ZMAT4: variants seen among roughly 807,000 people sequenced by gnomAD.
The protein encoded by ZMAT4 is zinc finger matrin-type protein 4.
In ZMAT4, 17 loss-of-function variants were observed where a neutral mutation model predicts 28.7. The observed-to-expected ratio is 0.59, with a 90% CI of 0.41 to 0.89. ZMAT4 has a LOEUF of 0.89. ZMAT4 is among the 40% of genes least tolerant of loss of function. The pLI, the probability that ZMAT4 is intolerant of heterozygous loss-of-function variation, is 0.00. For missense variants in ZMAT4, 240 were observed against 283.8 expected, an observed-to-expected ratio of 0.85 and a Z score of 1.11; for synonymous variants, 117 against 109.2, an observed-to-expected ratio of 1.07 and a Z score of -0.44.
chr8:40,722,957 G>A (rs1477649873), intron 3 of ZMAT4, among the ~76,000 whole-genome samples: 1 of 152,188 alleles, frequency 6.6e-6, no homozygotes, highest in Non-Finnish European at 1.5e-5. Context: ...CAAAGCATGT[G>A]AGGCCCCTAC....
rs539636718 is a variant in ZMAT4, at chr8:40,829,645, AAG to A, written c.-4-3967_-4-3966del. Among the ~76,000 whole-genome samples the A allele has an allele frequency of 2.5e-4, 38 of 152,306 alleles. 1 individual carries two copies. The South Asian group carries it at 7.0e-3, about 28-fold the overall frequency. On this transcript the variant is annotated intron_variant, in intron 1 of 6. Transcript: ENST00000297737. The stretch of plus-strand genomic sequence containing the variant: ...AAATCTTGCTGAGCTACTGAGTAAG[AAG>A]AGACATACACACACCAACACCTAAG...
In ZMAT4 at chr8:40,803,135, G is replaced by A. The variant is rs569889286; in HGVS notation, c.102+22440C>T. 6.1e-4 allele frequency among the ~76,000 whole-genome samples: 93 copies of A among 152,160 alleles called. 1 individual carries two copies. The highest frequency in any genetic ancestry group is 2.2e-3 in the African/African-American group (91 of 41,514). ...TATGAAATTTCTAGAAGATAATACA[G>A]GAAAATATCTAGATGACCTTGGGAC... On this transcript the variant is annotated intron_variant, in intron 2 of 6. Coordinates refer to ENST00000297737, the MANE Select transcript of ZMAT4 (RefSeq NM_024645.3).
At chr8:40,840,598 T>C (rs556419744) in intron 1 of ZMAT4, among the ~76,000 whole-genome samples, 2 of 152,218 alleles carry the variant, frequency 1.3e-5, no homozygotes, top group South Asian at 2.1e-4. Flanking sequence ...ACCTGCTACC[T>C]CCGTTAGTCA....
chr8:40,883,548 A>G (rs746467521), intron 1 of ZMAT4, among the ~76,000 whole-genome samples: 2 of 152,228 alleles, frequency 1.3e-5, no homozygotes, highest in Non-Finnish European at 2.9e-5. Context: ...ACACAACCGT[A>G]GGTAAGTCCC....
chr8:40,736,960 C>A (rs2150531181), intron 3 of ZMAT4, among the ~76,000 whole-genome samples: 1 of 152,290 alleles, frequency 6.6e-6, no homozygotes, highest in East Asian at 1.9e-4. Context: ...AGAGGTAGCT[C>A]TGACTGGACA....
intron 1 of ZMAT4, among the ~76,000 whole-genome samples, chr8:40,857,496 G>T (rs1817340473): frequency 6.6e-6 from 1 of 152,176 alleles, no homozygotes; most frequent in African/African-American, 2.4e-5. Flanking sequence ...TTGTTAGAAT[G>T]ATTGCAATTA....
At chr8:40,705,496 T>A (rs1206103503) in intron 3 of ZMAT4, among the ~76,000 whole-genome samples, 3 of 152,290 alleles carry the variant, frequency 2.0e-5, no homozygotes, top group African/African-American at 7.2e-5. Flanking sequence ...TAGAGCAGCA[T>A]CGTCCAATAG....
chr8:40,795,354 C>G (rs1202896803), intron 2 of ZMAT4, among the ~76,000 whole-genome samples: 1 of 152,194 alleles, frequency 6.6e-6, no homozygotes, highest in Non-Finnish European at 1.5e-5. Context: ...GTCTGTCCAT[C>G]AGGCAGCCAA....
chr8:40,784,706 C>T (rs1314592896), intron 2 of ZMAT4, among the ~76,000 whole-genome samples: 2 of 152,140 alleles, frequency 1.3e-5, no homozygotes, highest in Non-Finnish European at 2.9e-5. Flanking sequence ...AGACACACTG[C>T]CCCGATCCCC....
chr8:40,685,831 G>C (rs962381946), intron 4 of ZMAT4, among the ~76,000 whole-genome samples: 5 of 152,146 alleles, frequency 3.3e-5, no homozygotes, highest in Non-Finnish European at 5.9e-5. Context: ...CACTGGATTA[G>C]GTTCCTGTCA....
intron 6 of ZMAT4, among the ~76,000 whole-genome samples, chr8:40,554,625 T>G (rs1446697491): frequency 6.6e-6 from 1 of 152,118 alleles, no homozygotes; most frequent in Non-Finnish European, 1.5e-5. Flanking sequence ...AATATCCGTA[T>G]TGGTCTTTCA....
intron 1 of ZMAT4, among the ~76,000 whole-genome samples, chr8:40,881,198 C>T (rs908552847): frequency 2.0e-5 from 3 of 151,676 alleles, no homozygotes; most frequent in Non-Finnish European, 4.4e-5. Context: ...AGTAACATAG[C>T]GAGTCCCCAT....
rs534683022 is a variant in ZMAT4, at chr8:40,686,921, C to G, written c.349+10324G>C. Among the ~76,000 whole-genome samples, 10 of 152,002 alleles carry G rather than the reference C, an allele frequency of 6.6e-5. No homozygotes were observed. In the East Asian group the frequency reaches 2.0e-3, roughly 30 times the overall value. On this transcript the variant is annotated intron_variant, in intron 4 of 6. Coordinates refer to ENST00000297737, the MANE Select transcript of ZMAT4 (RefSeq NM_024645.3). ...AGAACCCAGAGCCCCTAACTGCTGC[C>G]CTGTGTTCTTTCCTCAATCCCACAT...
intron 5 of ZMAT4, among the ~76,000 whole-genome samples, chr8:40,656,619 A>G (rs1165200013): frequency 1.3e-5 from 2 of 152,168 alleles, no homozygotes; most frequent in Non-Finnish European, 2.9e-5. Context: ...TGATGTACTG[A>G]TACATGCTAC....
chr8:40,856,499 G>T (rs1175674755), intron 1 of ZMAT4, among the ~76,000 whole-genome samples: 1 of 152,200 alleles, frequency 6.6e-6, no homozygotes, highest in East Asian at 1.9e-4. Context: ...GAGCTAATGT[G>T]AGAAAAGTAG....
chr8:40,744,077 C>T (rs1170563780), intron 3 of ZMAT4, among the ~76,000 whole-genome samples: 1 of 152,128 alleles, frequency 6.6e-6, no homozygotes, highest in Non-Finnish European at 1.5e-5. Context: ...CAGCACTGAG[C>T]CCAGAAAGAT....
chr8:40,620,059 G>A (rs1473281976), intron 5 of ZMAT4, among the ~76,000 whole-genome samples: 1 of 152,224 alleles, frequency 6.6e-6, no homozygotes, highest in Non-Finnish European at 1.5e-5. Flanking sequence ...CATTTGCAGA[G>A]TGCTTGACAT....
rs1292917984 is a variant in ZMAT4 at position 40,556,225 on chromosome 8, C to T, written c.675-23987G>A. On this transcript the variant is annotated intron_variant, in intron 6 of 6. Coordinates refer to ENST00000297737, the MANE Select transcript of ZMAT4 (RefSeq NM_024645.3). The stretch of plus-strand genomic sequence containing the variant: ...TACCGCTAGATGAGAATTCTCAAAT[C>T]TTGTATTTCCACCCTTAACTTATTG... Among the ~76,000 whole-genome samples the T allele has an allele frequency of 5.3e-5, 8 of 152,140 alleles. No homozygotes were observed. In the South Asian group the frequency reaches 1.4e-3, roughly 28 times the overall value.
chr8:40,538,354 T>C (rs1380082735), intron 6 of ZMAT4, among the ~76,000 whole-genome samples: 1 of 152,204 alleles, frequency 6.6e-6, no homozygotes, highest in Non-Finnish European at 1.5e-5. Context: ...CCGCTTCTAG[T>C]TGTCCCACCT....
Sources: gnomAD v4.1 joint callset for allele counts (sites outside exome capture counted in the v4.1 genomes callset) on GRCh38, gnomAD v4.1.1 for gene constraint, MANE v1.5 for transcripts, NCBI Gene and HGNC (gene_info 2026-07-23, HGNC 2026-07-21) for gene names.